The following ATXN1 variants were observed in gnomAD, a reference collection of about 807,000 sequenced individuals.
ATXN1 encodes the protein ataxin 1.
A neutral mutation model predicts 56.4 loss-of-function variants in ATXN1; 8 were observed. The observed-to-expected ratio is 0.14, with a 90% confidence interval of 0.08 to 0.26. The LOEUF (loss-of-function observed/expected upper bound fraction) is 0.26, where lower values mean the gene tolerates loss of function less well. Among genes scored for constraint, ATXN1 ranks in the 10% least tolerant of loss-of-function variants. The pLI, the probability that ATXN1 is intolerant of heterozygous loss-of-function variation, is 1.00. For missense variants in ATXN1, 987 were observed against 1,106.5 expected (o/e 0.89, Z 1.53); for synonymous variants, 514 against 494.6 (o/e 1.04, Z -0.52).
At chr6:16,499,560 T>C (rs1760842506) in intron 5 of ATXN1, among the ~76,000 whole-genome samples, 1 of 152,184 alleles carries the variant, frequency 6.6e-6, no homozygotes, top group Non-Finnish European at 1.5e-5. Context: ...AATTGCTGAC[T>C]TTGGGTTGCA....
At chr6:16,572,105 T>C (rs1477691984) in intron 4 of ATXN1, among the ~76,000 whole-genome samples, 1 of 152,204 alleles carries the variant, frequency 6.6e-6, no homozygotes, top group Admixed American at 6.5e-5. Flanking sequence ...TAAGTCTACA[T>C]GTTGTAAAGG....
chr6:16,686,467 T>C (rs1758920998), intron 2 of ATXN1, among the ~76,000 whole-genome samples: 1 of 152,232 alleles, frequency 6.6e-6, no homozygotes, highest in Admixed American at 6.5e-5. Context: ...GTGTAATTAT[T>C]CACCTCATAG....
intron 6 of ATXN1, among the ~76,000 whole-genome samples, chr6:16,443,982 G>A (rs549618432): frequency 8.5e-5 from 13 of 152,202 alleles, no homozygotes; most frequent in Non-Finnish European, 1.2e-4. Context: ...CAGGCGTGGT[G>A]GCGGGCGCCT....
At chr6:16,532,980 C>T (rs1406532599) in intron 4 of ATXN1, among the ~76,000 whole-genome samples, 1 of 152,146 alleles carries the variant, frequency 6.6e-6, no homozygotes, top group Non-Finnish European at 1.5e-5. Context: ...TGGAAGCAAC[C>T]TAAGTGTCCA....
chr6:16,426,100 G>A (rs962288483), intron 6 of ATXN1, among the ~76,000 whole-genome samples: 12 of 152,112 alleles, frequency 7.9e-5, no homozygotes, highest in African/African-American at 1.7e-4. Context: ...GCATTCATCC[G>A]CTATTTCACT....
At chr6:16,355,811 G>C (rs563188057) in intron 6 of ATXN1, among the ~76,000 whole-genome samples, 1 of 152,030 alleles carries the variant, frequency 6.6e-6, no homozygotes, top group Admixed American at 6.5e-5. Context: ...TGATCCACCC[G>C]CCTTGGCCTC....
chr6:16,490,059 A>G (rs1474787556), intron 5 of ATXN1, among the ~76,000 whole-genome samples: 1 of 150,406 alleles, frequency 6.6e-6, no homozygotes, highest in African/African-American at 2.4e-5. Context: ...GGATCTTTTG[A>G]GTACATTTAA....
chr6:16,627,300 T>C (rs542621233), intron 3 of ATXN1, among the ~76,000 whole-genome samples: 1 of 152,250 alleles, frequency 6.6e-6, no homozygotes, highest in South Asian at 2.1e-4. Context: ...AATGTTACCT[T>C]CTAAGATGTG....
At chr6:16,606,209 C>G (rs1019586369) in intron 3 of ATXN1, among the ~76,000 whole-genome samples, 1 of 151,952 alleles carries the variant, frequency 6.6e-6, no homozygotes. Flanking sequence ...AGATAAGGTT[C>G]TATATTTAGA....
intron 2 of ATXN1, among the ~76,000 whole-genome samples, chr6:16,710,776 T>C (rs1011854819): frequency 6.6e-6 from 1 of 151,098 alleles, no homozygotes; most frequent in Admixed American, 6.6e-5. Flanking sequence ...TTAGTAGAGA[T>C]GGGGTTTTGC....
chr6:16,696,106 T>C (rs953602439), intron 2 of ATXN1, among the ~76,000 whole-genome samples: 3 of 152,254 alleles, frequency 2.0e-5, no homozygotes, highest in African/African-American at 7.2e-5. Context: ...CTGGGCTCTC[T>C]TAGCCTTCAC....
intron 2 of ATXN1, among the ~76,000 whole-genome samples, chr6:16,729,001 G>A (rs759988806): frequency 7.9e-5 from 12 of 152,180 alleles, no homozygotes; most frequent in Non-Finnish European, 1.6e-4. Flanking sequence ...CTGACTCAAA[G>A]GGAAGGTTCT....
chr6:16,739,424 T>C (rs1360908173), intron 2 of ATXN1: 1 of 168,410 alleles, frequency 5.9e-6, no homozygotes, highest in African/African-American at 2.4e-5. Context: ...CAAACAAGTC[T>C]GTGCAAGATG....
At chr6:16,372,571 A>AGTAGTATTTATAGCT (rs1357807071) in intron 6 of ATXN1, among the ~76,000 whole-genome samples, 1 of 152,214 alleles carries the variant, frequency 6.6e-6, no homozygotes, top group African/African-American at 2.4e-5. Flanking sequence ...GCCCACATAT[A>AGTAGTATTTATAGCT]CAACCAGTTG....
At chr6:16,313,238 A>G (rs1760439911) in intron 7 of ATXN1, among the ~76,000 whole-genome samples, 1 of 152,172 alleles carries the variant, frequency 6.6e-6, no homozygotes, top group Admixed American at 6.5e-5. Context: ...GGCTTTCCCA[A>G]TAAACCTGCT....
At chr6:16,512,289 T>C (rs999521615) in intron 5 of ATXN1, among the ~76,000 whole-genome samples, 1 of 152,214 alleles carries the variant, frequency 6.6e-6, no homozygotes, top group Non-Finnish European at 1.5e-5. Flanking sequence ...GAAGACACAA[T>C]TTGCTCTAAT....
In ATXN1 at chr6:16,720,574, C is replaced by T. The variant is rs376475271; in HGVS notation, c.-615+32659G>A. 3.3e-5 allele frequency among the ~76,000 whole-genome samples: 5 copies of T among 152,326 alleles called. No individual in the cohort carries two copies. The East Asian group carries it at 9.6e-4, about 29-fold the overall frequency. The stretch of plus-strand genomic sequence containing the variant: ...TCAAGACATATGAGCTTAAGACATT[C>T]TCTGCATTGCAAGTCAAGAATGCTT... On this transcript the variant is annotated intron_variant, in intron 2 of 7. Coordinates refer to ENST00000436367, the MANE Select transcript of ATXN1 (RefSeq NM_001128164.2).
At chr6:16,642,326 T>C (rs541922944) in intron 3 of ATXN1, among the ~76,000 whole-genome samples, 1 of 151,944 alleles carries the variant, frequency 6.6e-6, no homozygotes, top group South Asian at 2.1e-4. Flanking sequence ...ACCTGGGAGG[T>C]GGAGGTTGCA....
intron 6 of ATXN1, among the ~76,000 whole-genome samples, chr6:16,351,408 T>G (rs1761563479): frequency 6.6e-6 from 1 of 151,078 alleles, no homozygotes. Flanking sequence ...TTTCAGGGTT[T>G]TTTTTTTTTT....
Sources: gnomAD v4.1 joint callset for allele counts (sites outside exome capture counted in the v4.1 genomes callset) on GRCh38, gnomAD v4.1.1 for gene constraint, MANE v1.5 for transcripts, NCBI Gene and HGNC (gene_info 2026-07-23, HGNC 2026-07-21) for gene names.